Variants in PNPLA6 observed in about 807,000 individuals in gnomAD.
PNPLA6 encodes the protein patatin like domain 6, lysophospholipase.
PNPLA6 carries 105 observed loss-of-function variants against 153.7 expected under a neutral mutation model. That is an observed-to-expected ratio of 0.68 (90% CI 0.58 to 0.80). PNPLA6 has a LOEUF of 0.80. Among genes scored for constraint, PNPLA6 ranks in the 30% least tolerant of loss-of-function variants. The probability of loss-of-function intolerance (pLI) is 0.00; values close to 1 mark genes in which losing one functional copy is unlikely to be tolerated. For synonymous variants in PNPLA6, 825 were observed against 822.2 expected (o/e 1.00, Z -0.06); for missense variants, 1,423 against 1,919.3 (o/e 0.74, Z 4.83).
chr19:7,556,605 C>T (rs769824291), intron 25 of PNPLA6, 36 bp downstream of exon 25: 6 of 1,585,498 alleles, frequency 3.8e-6, no homozygotes, highest in Non-Finnish European at 5.2e-6. Context: ...GCCTACCCCT[C>T]CCCGGAGGAG....
chr19:7,544,259 G>C (rs710950), intron 13 of PNPLA6, among the ~76,000 whole-genome samples: 38,026 of 151,934 alleles, frequency 0.25, 6,078 homozygotes, highest in African/African-American at 0.45. Flanking sequence ...TTACAGGGTT[G>C]TGCCACCACG....
chr19:7,550,810 C>T (rs2023610102), intron 16 of PNPLA6, 170 bp downstream of exon 16: 5 of 982,832 alleles, frequency 5.1e-6, no homozygotes, highest in Admixed American at 4.2e-5. Flanking sequence ...AAGGGGATTC[C>T]GCCTGTCGTG....
At chr19:7,547,293 C>T (rs180692527) in intron 13 of PNPLA6, among the ~76,000 whole-genome samples, 2 of 152,308 alleles carry the variant, frequency 1.3e-5, no homozygotes, top group Admixed American at 6.5e-5. Context: ...TACATTTCCA[C>T]TGACAGTGTA....
intron 24 of PNPLA6, among the ~76,000 whole-genome samples, chr19:7,556,171 A>G (rs1024181973): frequency 2.1e-5 from 3 of 141,250 alleles, no homozygotes; most frequent in Admixed American, 7.9e-5. Context: ...CAAGTGATTT[A>G]TCCGCCTCAG....
At chr19:7,554,095 T>TG (rs1568418964) in intron 19 of PNPLA6, 80 bp downstream of exon 19, 3 of 1,552,794 alleles carry the variant, frequency 1.9e-6, no homozygotes, top group Non-Finnish European at 2.7e-6. Context: ...GTAGGTCATT[T>TG]GGGGGGTGGA....
chr19:7,557,208 G>T lies in PNPLA6; in HGVS notation c.3321G>T (p.Ser1107=). 6.2e-7 allele frequency: 1 copy of T among 1,606,798 alleles called. No individual in the cohort carries two copies. Among genetic ancestry groups the T allele is most frequent in the African/African-American group, 1.4e-5 (1 of 72,760 alleles). ...WRYVRASMTL[S]GYLPPLCDPK... ...ACGTGCGCGCCAGCATGACGCTGTCGGGCTACCTGCCCCCGCTGTGCGACC... is the reference window on the plus strand; with the variant it reads ...ACGTGCGCGCCAGCATGACGCTGTCTGGCTACCTGCCCCCGCTGTGCGACC... Residue 1107 remains serine (S), a synonymous_variant, in exon 27 of 32, where the codon TCG becomes TCT. Coordinates refer to ENST00000600737, the MANE Select transcript of PNPLA6 (RefSeq NM_001166114.2).
intron 28 of PNPLA6, among the ~76,000 whole-genome samples, chr19:7,559,858 G>C (rs983835561): frequency 6.9e-6 from 1 of 144,660 alleles, no homozygotes; most frequent in Admixed American, 7.0e-5. Flanking sequence ...AAAAAGAAAG[G>C]GCCAGGCATG....
At position 7,553,884 on chromosome 19, in the gene PNPLA6, T is replaced by C; in HGVS notation, c.2270T>C (p.Leu757Ser). The change falls in exon 19 of 32, where the codon TTG becomes TCG. Residue 757 changes from leucine (L) to serine (S), a missense_variant. By Grantham distance (145) the Leu-to-Ser change is moderately radical. Coordinates refer to ENST00000600737, the MANE Select transcript of PNPLA6 (RefSeq NM_001166114.2). ...ATTGGGTTCTTAGCAGGCTCTGGGTTGGGTGTGCCCCCACACTCGGAACTC... is the reference window on the plus strand; with the variant it reads ...ATTGGGTTCTTAGCAGGCTCTGGGTCGGGTGTGCCCCCACACTCGGAACTC... ...QLQGPFPGSGLGVPPHSELTN... is the reference protein window; with the variant it reads ...QLQGPFPGSGSGVPPHSELTN... 6.2e-7 allele frequency: 1 copy of C among 1,614,170 alleles called. No homozygotes were observed. The highest frequency in any genetic ancestry group is 8.5e-7 in the Non-Finnish European group (1 of 1,180,030).
Position 7,554,545 on chromosome 19 carries a change from C to G in PNPLA6, c.2466-10C>G. 1 of 1,614,048 alleles carries G rather than the reference C, an allele frequency of 6.2e-7. No homozygotes were observed. Among genetic ancestry groups the G allele is most frequent in the South Asian group, 1.1e-5 (1 of 91,084 alleles). ...AACCCCAGGATGACGCTGCCCCCTT[C>G]CCACCCTAGCATCCAAGAGTTCCGG... On this transcript the variant is annotated splice_polypyrimidine_tract_variant and intron_variant, in intron 20 of 31. Transcript: ENST00000600737.
chr19:7,551,175 G>C (rs2023630370), intron 17 of PNPLA6, 68 bp downstream of exon 17: 2 of 1,024,768 alleles, frequency 2.0e-6, no homozygotes, highest in Non-Finnish European at 2.9e-6. Flanking sequence ...GCCGGGCCTA[G>C]TGTGTGGGCG....
At chr19:7,556,367 G>C in intron 24 of PNPLA6, 86 bp from the exon 25 acceptor site, 1 of 851,444 alleles carries the variant, frequency 1.2e-6, no homozygotes, top group Non-Finnish European at 2.0e-6. Context: ...TGGCCCCTAA[G>C]TGCTGCTTGC....
In PNPLA6 at chr19:7,556,880, C is replaced by G; in HGVS notation, c.3280+156C>G. The G allele has an allele frequency of 8.4e-6, 6 of 715,782 alleles. No individual in the cohort carries two copies. In the Admixed American group the frequency reaches 1.2e-4, roughly 14 times the overall value. The allele number at this position is 715,782 out of a possible 1,614,324, so 44.3% of individuals were successfully genotyped here. On this transcript the variant is annotated intron_variant, in intron 26 of 31. Coordinates refer to ENST00000600737, the MANE Select transcript of PNPLA6 (RefSeq NM_001166114.2). ...CCACTAACCGCCACCCACTAATGCCCCGGAGACCCCAGGTACGTCCGTCCT... is the reference window on the plus strand; with the variant it reads ...CCACTAACCGCCACCCACTAATGCCGCGGAGACCCCAGGTACGTCCGTCCT...
chr19:7,535,324 G>C, upstream of PNPLA6: 2 of 624,640 alleles, frequency 3.2e-6, no homozygotes, highest in African/African-American at 3.6e-5. This position sits in a 1 kb window ranked among gnomAD's most constrained non-coding sequence, Gnocchi z 5.0. Context: ...GGCCAGGGCC[G>C]AGAGGTCGGT....
Position 7,551,376 on chromosome 19 carries a change from T to C in PNPLA6, c.2199T>C (p.Leu733=), listed in dbSNP as rs747028515. 1.9e-6 allele frequency: 3 copies of C among 1,613,972 alleles called. No homozygotes were observed. The highest frequency in any genetic ancestry group is 2.5e-6 in the Non-Finnish European group (3 of 1,179,984). ...AACGCCCCCAGGTCGTGACCCGCCT[T>C]ATCCACCTACTGAGCCAGAAAATTC... is the stretch of plus-strand genomic sequence containing the variant. ...KRRYPQVVTR[L]IHLLSQKILG... Residue 733 remains leucine, a synonymous_variant, in exon 18 of 32, where the codon CTT becomes CTC. Transcript: ENST00000600737.
chr19:7,560,736 C>T lies in PNPLA6; in HGVS notation c.3788C>T (p.Thr1263Ile). ...AAAATGCTCACAGACCGGCGGTCTA[C>T]AGACCTTAATGAGAGCCGCCGTGCA... Reference protein sequence around the residue: ...IEKMLTDRRSTDLNESRRADV... With the variant: ...IEKMLTDRRSIDLNESRRADV... The change falls in exon 29 of 32, where the codon ACA becomes ATA. Residue 1263 changes from threonine (T) to isoleucine (I), a missense_variant. By Grantham distance (89) the Thr-to-Ile change is moderately conservative. This residue lies in a region of PNPLA6 where 643 missense variants were observed against 835.2 expected (regional missense o/e 0.77). Transcript: ENST00000600737. The T allele has an allele frequency of 6.2e-7, 1 of 1,612,724 alleles. No individual in the cohort carries two copies. The highest frequency in any genetic ancestry group is 8.5e-7 in the Non-Finnish European group (1 of 1,178,774).
intron 14 of PNPLA6, 52 bp from the exon 15 acceptor site, chr19:7,550,246 G>A: frequency 6.2e-7 from 1 of 1,612,662 alleles, no homozygotes; most frequent in Non-Finnish European, 8.5e-7. Flanking sequence ...CCCAGCGCCG[G>A]TGTAGGACGG....
rs2023838700 is a variant in PNPLA6 at position 7,555,502 on chromosome 19, G to A, written c.2937-105G>A. ...TCCGGGAGAGACCCCGTGGGTAGGG[G>A]CGGGTCCTTTGTTCCTTAGCAGTGC... is the stretch of plus-strand genomic sequence containing the variant. On this transcript the variant is annotated intron_variant, in intron 23 of 31. Coordinates refer to ENST00000600737, the MANE Select transcript of PNPLA6 (RefSeq NM_001166114.2). This position sits in a 1 kb window ranked among gnomAD's most constrained non-coding sequence, Gnocchi z 6.3. The A allele has an allele frequency of 2.8e-6, 4 of 1,417,298 alleles. No individual in the cohort carries two copies. Among genetic ancestry groups the A allele is most frequent in the Non-Finnish European group, 2.9e-6 (3 of 1,032,068 alleles). The allele number at this position is 1,417,298 out of a possible 1,614,324, so 87.8% of individuals were successfully genotyped here.
chr19:7,555,761 A>G lies in PNPLA6; in HGVS notation c.3091A>G (p.Lys1031Glu). The G allele has an allele frequency of 6.2e-7, 1 of 1,613,422 alleles. No homozygotes were observed. Among genetic ancestry groups the G allele is most frequent in the Admixed American group, 1.7e-5 (1 of 59,998 alleles). ...GAAGCAGCGGGCCCGGGAGTGGGCC[A>G]AGGTGTGTGTTGCGAGGAGGGATTG... Reference protein sequence around the residue: ...RTKQRAREWAKSMTSVLEPVL... With the variant: ...RTKQRAREWAESMTSVLEPVL... Residue 1031 changes from lysine to glutamate, a missense_variant and splice_region_variant, in exon 24 of 32, where the codon AAG (lysine) becomes GAG (glutamate). Around this residue, in one of 10 missense-constraint regions of PNPLA6, gnomAD observed 643 missense variants for 835.2 expected, o/e 0.77. Coordinates refer to ENST00000600737, the MANE Select transcript of PNPLA6 (RefSeq NM_001166114.2). This position sits in a 1 kb window ranked among gnomAD's most constrained non-coding sequence, Gnocchi z 6.3.
At position 7,554,708 on chromosome 19, in the gene PNPLA6, G is replaced by A. The variant is rs768558145; in HGVS notation, c.2619G>A (p.Glu873=). 3.3e-5 allele frequency: 54 copies of A among 1,613,234 alleles called. No homozygotes were observed. The highest frequency in any genetic ancestry group is 4.5e-5 in the Non-Finnish European group (53 of 1,179,950). Reference sequence around the variant, plus strand: ...TCATTGTGGGCCTGGGGGACCAGGAGCCTACCCTCGGCCAGGTCGGAAGCC... The same window carrying A: ...TCATTGTGGGCCTGGGGGACCAGGAACCTACCCTCGGCCAGGTCGGAAGCC... ...CILIVGLGDQ[E]PTLGQLEQML... The change falls in exon 21 of 32, where the codon GAG becomes GAA. Residue 873 remains glutamate (E), a synonymous_variant. Coordinates refer to ENST00000600737, the MANE Select transcript of PNPLA6 (RefSeq NM_001166114.2).
Sources: allele counts gnomAD v4.1 joint callset (sites outside exome capture counted in the v4.1 genomes callset), GRCh38; gene constraint gnomAD v4.1.1; regional missense constraint gnomAD v4.1.1; non-coding constraint Gnocchi (gnomAD v3.1); transcripts MANE v1.5; gene names NCBI Gene and HGNC (gene_info 2026-07-23, HGNC 2026-07-21).